TFB1M: variants seen among roughly 807,000 people sequenced by gnomAD.
The protein encoded by TFB1M is dimethyladenosine transferase 1, mitochondrial.
Under a neutral mutation model 31.1 loss-of-function variants are expected in TFB1M, and 27 were observed. That is an observed-to-expected ratio of 0.87 (90% CI 0.64 to 1.20). The LOEUF (loss-of-function observed/expected upper bound fraction) is 1.20. TFB1M is among the 50% of genes most tolerant of loss of function. TFB1M has a pLI of 0.00. For missense variants in TFB1M, 394 were observed against 418.7 expected (o/e 0.94, Z 0.51); for synonymous variants, 166 against 151.8 (o/e 1.09, Z -0.69).
intron 4 of TFB1M, among the ~76,000 whole-genome samples, chr6:155,287,370 G>T (rs757278567): frequency 1.3e-3 from 201 of 151,598 alleles, no homozygotes; most frequent in Non-Finnish European, 2.3e-3. Flanking sequence ...GTAATGTCAA[G>T]AAATGAAAAA....
the TFB1M span, chr6:155,245,799 T>C: frequency 9.2e-7 from 1 of 1,088,186 alleles, no homozygotes; most frequent in Non-Finnish European, 1.3e-6. Flanking sequence ...AAAGGGTAAA[T>C]CTGTATTTAA....
chr6:155,314,257 A>ACT (rs1562433650), intron 1 of TFB1M, 39 bp downstream of exon 1: 2 of 1,610,176 alleles, frequency 1.2e-6, no homozygotes, highest in Admixed American at 1.7e-5. Context: ...CCCCACGGAC[A>ACT]CTGGGGAGAC....
the TFB1M span, chr6:155,232,724 C>T: frequency 2.0e-5 from 3 of 152,030 alleles, no homozygotes; most frequent in Non-Finnish European, 4.4e-5. Flanking sequence ...AGGGATCTCC[C>T]GCCAGGGATC....
At chr6:155,308,743 A>G (rs1235094402) in intron 2 of TFB1M, among the ~76,000 whole-genome samples, 1 of 152,230 alleles carries the variant, frequency 6.6e-6, no homozygotes, top group Admixed American at 6.5e-5. Flanking sequence ...TTAAGCTACA[A>G]ATGACAGGCT....
At chr6:155,274,822 C>A (rs760389111) in intron 5 of TFB1M, among the ~76,000 whole-genome samples, 3 of 152,182 alleles carry the variant, frequency 2.0e-5, no homozygotes, top group Non-Finnish European at 2.9e-5. Context: ...TTTATGAAAG[C>A]CACTTCCTAA....
Position 155,257,745 on chromosome 6 carries a change from C to T in TFB1M, c.*91G>A, listed in dbSNP as rs1201671096. 3.4e-5 allele frequency: 51 copies of T among 1,494,790 alleles called. 1 individual carries two copies. Among genetic ancestry groups the T allele is most frequent in the South Asian group, 3.3e-4 (28 of 83,620 alleles). The allele number at this position is 1,494,790 out of a possible 1,614,324, so 92.6% of individuals were successfully genotyped here. The stretch of plus-strand genomic sequence containing the variant: ...CACATCTGGTCATTGGCATTTGTAT[C>T]GTCATTCTGTAAAGACAAAAGAGTA... On this transcript the variant is annotated 3_prime_UTR_variant, in exon 7 of 7. Transcript: ENST00000367166.
At chr6:155,250,471 G>A in the TFB1M span, 6 of 1,345,158 alleles carry the variant, frequency 4.5e-6, no homozygotes, top group Non-Finnish European at 6.1e-6. Context: ...AAAATGGCAG[G>A]AACAGGAAAG....
chr6:155,245,628 A>T, the TFB1M span: 1 of 1,613,348 alleles, frequency 6.2e-7, no homozygotes, highest in Admixed American at 1.7e-5. Flanking sequence ...TCTAGAAATT[A>T]CTGTTTTCCC....
the TFB1M span, among the ~76,000 whole-genome samples, chr6:155,238,886 A>G: frequency 6.6e-6 from 1 of 152,202 alleles, no homozygotes; most frequent in Non-Finnish European, 1.5e-5. Context: ...AATTGAACTG[A>G]AAGACTAGCC....
intron 5 of TFB1M, chr6:155,276,641 A>T: frequency 3.0e-6 from 1 of 336,456 alleles, no homozygotes; most frequent in Non-Finnish European, 5.2e-6. Context: ...TACATTCATA[A>T]GGCAATTATT....
intron 5 of TFB1M, 33 bp downstream of exon 5, chr6:155,285,125 C>G: frequency 6.2e-7 from 1 of 1,612,720 alleles, no homozygotes; most frequent in Non-Finnish European, 8.5e-7. Flanking sequence ...CGTCCTAATT[C>G]CGATATACTA....
chr6:155,286,579 G>A (rs1308470804), intron 4 of TFB1M, among the ~76,000 whole-genome samples: 1 of 146,772 alleles, frequency 6.8e-6, no homozygotes, highest in Non-Finnish European at 1.5e-5. Flanking sequence ...ATATACATGT[G>A]TATATGTATA....
chr6:155,232,079 T>C, the TFB1M span, among the ~76,000 whole-genome samples: 3 of 140,918 alleles, frequency 2.1e-5, no homozygotes, highest in Non-Finnish European at 3.1e-5. Flanking sequence ...AGACTCTGTC[T>C]CAAAAACAAA....
intron 5 of TFB1M, among the ~76,000 whole-genome samples, chr6:155,278,317 T>A (rs944740130): frequency 6.6e-6 from 1 of 152,222 alleles, no homozygotes; most frequent in African/African-American, 2.4e-5. Context: ...TTTAACAAAC[T>A]ATGAATTTAA....
chr6:155,296,994 T>G lies in TFB1M; in HGVS notation c.505A>C (p.Arg169=), dbSNP rs751213408. The G allele has an allele frequency of 1.9e-6, 3 of 1,614,036 alleles. No individual in the cohort carries two copies. Among genetic ancestry groups the G allele is most frequent in the Non-Finnish European group, 2.5e-6 (3 of 1,179,956 alleles). The part of the protein sequence containing the change: ...SCRDGPFVYG[R]TQMTLTFQKE... Reference sequence around the variant, plus strand: ...TGAAAAGTCAAAGTCATCTGAGTTCTGCCATAAACAAAAGGTCCATCTCTA... The same window carrying G: ...TGAAAAGTCAAAGTCATCTGAGTTCGGCCATAAACAAAAGGTCCATCTCTA... Residue 169 remains arginine, a synonymous_variant, in exon 4 of 7, where the codon AGA becomes CGA. Coordinates refer to ENST00000367166, the MANE Select transcript of TFB1M (RefSeq NM_016020.4).
chr6:155,241,092 C>T, the TFB1M span, among the ~76,000 whole-genome samples: 1 of 152,182 alleles, frequency 6.6e-6, no homozygotes. Flanking sequence ...GATCCAGGCC[C>T]CACAGTCTTG....
chr6:155,305,948 A>C (rs1777744462), intron 2 of TFB1M, among the ~76,000 whole-genome samples: 1 of 151,288 alleles, frequency 6.6e-6, no homozygotes, highest in Non-Finnish European at 1.5e-5. Context: ...CTGAGAAAAC[A>C]TTTGTAAAAT....
chr6:155,268,396 T>G (rs1461641594), intron 5 of TFB1M, among the ~76,000 whole-genome samples: 3 of 152,172 alleles, frequency 2.0e-5, no homozygotes, highest in African/African-American at 7.2e-5. Flanking sequence ...AGGGTAGAGG[T>G]CTCTCTCATA....
Position 155,260,606 on chromosome 6 carries a change from C to T in TFB1M, c.667-206G>A, listed in dbSNP as rs568730097. 733 of 643,036 alleles carry T rather than the reference C, an allele frequency of 1.1e-3. 19 individuals are homozygous for T. Among genetic ancestry groups the T allele is most frequent in the South Asian group, 0.011 (625 of 57,848 alleles). 39.8% of individuals were successfully genotyped at this position (643,036 alleles called of 1,614,324 possible). On this transcript the variant is annotated intron_variant, in intron 5 of 6. Transcript: ENST00000367166. ...ATGACATGGAGAAATCAGCCGGCTG[C>T]ACCTGTTCTCTAATGACATCCACCA...
Sources: allele counts gnomAD v4.1 joint callset (sites outside exome capture counted in the v4.1 genomes callset), GRCh38; gene constraint gnomAD v4.1.1; transcripts MANE v1.5; gene names NCBI Gene and HGNC (gene_info 2026-07-23, HGNC 2026-07-21).